SPAG16: variants seen among roughly 807,000 people sequenced by gnomAD.
The protein encoded by SPAG16 is sperm associated antigen 16, also known as sperm-associated antigen 16 protein.
In SPAG16, 86 loss-of-function variants were observed where a neutral mutation model predicts 80.4. The observed-to-expected ratio is 1.07, with a 90% CI of 0.90 to 1.28. The LOEUF is 1.28. SPAG16 is among the 50% of genes most tolerant of loss of function. The pLI, the probability that SPAG16 is intolerant of heterozygous loss-of-function variation, is 0.00. For synonymous variants in SPAG16, 294 were observed against 265.9 expected, an observed-to-expected ratio of 1.11 and a Z score of -1.03; for missense variants, 870 against 765.3, an observed-to-expected ratio of 1.14 and a Z score of -1.61.
In SPAG16 at chr2:214,291,009, G is replaced by C. The variant is rs546149684; in HGVS notation, c.1721-119131G>C. On this transcript the variant is annotated intron_variant, in intron 15 of 15. Transcript: ENST00000331683. ...GAAGTGTACCTCTCTCTTTAGATCTGGTAATACTTGATTTATGAATTTGGG... is the reference window on the plus strand; with the variant it reads ...GAAGTGTACCTCTCTCTTTAGATCTCGTAATACTTGATTTATGAATTTGGG... 3.9e-5 allele frequency among the ~76,000 whole-genome samples: 6 copies of C among 152,118 alleles called. No individual in the cohort carries two copies. The South Asian group carries it at 1.0e-3, about 26-fold the overall frequency.
intron 10 of SPAG16, among the ~76,000 whole-genome samples, chr2:213,848,787 C>G (rs1444512866): frequency 6.6e-6 from 1 of 152,160 alleles, no homozygotes; most frequent in East Asian, 1.9e-4. Flanking sequence ...GCCAGCATCT[C>G]AAATTACATA....
intron 10 of SPAG16, among the ~76,000 whole-genome samples, chr2:213,617,858 A>T (rs1216914909): frequency 6.6e-6 from 1 of 152,106 alleles, no homozygotes; most frequent in Non-Finnish European, 1.5e-5. Flanking sequence ...AACCCTATTG[A>T]CATCAAGTAG....
At chr2:214,059,216 G>A (rs375677453) in intron 13 of SPAG16, among the ~76,000 whole-genome samples, 1,691 of 66,372 alleles carry the variant, frequency 0.025, 45 homozygotes, top group African/African-American at 0.081. Flanking sequence ...ATATATATAT[G>A]TATGTGTATA....
intron 11 of SPAG16, among the ~76,000 whole-genome samples, chr2:213,927,821 A>T (rs1020715856): frequency 2.0e-5 from 3 of 152,334 alleles, no homozygotes; most frequent in Non-Finnish European, 4.4e-5. Flanking sequence ...TCCTATGCTA[A>T]GATTTTGGTC....
chr2:213,728,483 A>G (rs1010995079), intron 10 of SPAG16, among the ~76,000 whole-genome samples: 2 of 152,146 alleles, frequency 1.3e-5, no homozygotes, highest in Admixed American at 6.5e-5. Flanking sequence ...GTTCAGGAGG[A>G]AAAGGAAATG....
At chr2:213,344,830 C>T (rs138230515) in intron 6 of SPAG16, among the ~76,000 whole-genome samples, 3,625 of 152,242 alleles carry the variant, frequency 0.024, 62 homozygotes, top group African/African-American at 0.039. Flanking sequence ...AATAGTGCCG[C>T]AATAAACATA....
At chr2:214,042,266 G>A (rs1391397177) in intron 13 of SPAG16, among the ~76,000 whole-genome samples, 1 of 151,344 alleles carries the variant, frequency 6.6e-6, no homozygotes, top group African/African-American at 2.4e-5. Flanking sequence ...GCTAATTTCA[G>A]CTGGAAGTTT....
At chr2:213,566,681 C>G (rs1384877221) in intron 10 of SPAG16, among the ~76,000 whole-genome samples, 1 of 152,150 alleles carries the variant, frequency 6.6e-6, no homozygotes, top group Non-Finnish European at 1.5e-5. Flanking sequence ...ATTTTTGCAA[C>G]ATCTGCATAA....
intron 10 of SPAG16, among the ~76,000 whole-genome samples, chr2:213,686,272 C>G (rs917553795): frequency 6.6e-6 from 1 of 152,162 alleles, no homozygotes; most frequent in Non-Finnish European, 1.5e-5. Context: ...GTGCACACCA[C>G]CATGCCCAGC....
chr2:213,299,203 A>G (rs2062623839), intron 3 of SPAG16, among the ~76,000 whole-genome samples: 1 of 152,228 alleles, frequency 6.6e-6, no homozygotes, highest in East Asian at 1.9e-4. Flanking sequence ...AGTTAAGTTG[A>G]AATAATGTAA....
intron 10 of SPAG16, among the ~76,000 whole-genome samples, chr2:213,555,800 GA>G (rs2059405794): frequency 1.3e-5 from 2 of 152,052 alleles, no homozygotes; most frequent in African/African-American, 4.8e-5. Context: ...ATCAAATTCA[GA>G]ATACTCTAAT....
chr2:214,148,507 T>A (rs2055776783), intron 14 of SPAG16, among the ~76,000 whole-genome samples: 1 of 152,178 alleles, frequency 6.6e-6, no homozygotes, highest in African/African-American at 2.4e-5. Flanking sequence ...AACTATGTTT[T>A]CTGAGAATTT....
chr2:214,352,017 C>T (rs1698446943), intron 15 of SPAG16, among the ~76,000 whole-genome samples: 1 of 152,086 alleles, frequency 6.6e-6, no homozygotes, highest in Non-Finnish European at 1.5e-5. Flanking sequence ...GGGCACATTT[C>T]CTAATTCATA....
In SPAG16 at chr2:213,321,157, A is replaced by G. The variant is rs541784930; in HGVS notation, c.536+3801A>G. 2.0e-4 allele frequency among the ~76,000 whole-genome samples: 31 copies of G among 152,184 alleles called. No homozygotes were observed. The South Asian group carries it at 5.0e-3, about 24-fold the overall frequency. On this transcript the variant is annotated intron_variant, in intron 5 of 15. Coordinates refer to ENST00000331683, the MANE Select transcript of SPAG16 (RefSeq NM_024532.5). ...TACTTTTCTAATAATAATTTTTAATACACAAAAAAGTCAGGTTGCAGATAT... is the reference window on the plus strand; with the variant it reads ...TACTTTTCTAATAATAATTTTTAATGCACAAAAAAGTCAGGTTGCAGATAT...
At chr2:214,199,513 A>G (rs2057948992) in intron 15 of SPAG16, among the ~76,000 whole-genome samples, 1 of 141,312 alleles carries the variant, frequency 7.1e-6, no homozygotes, top group African/African-American at 2.4e-5. Context: ...GCCTTGTAGT[A>G]TAATTTGAAG....
chr2:214,169,535 C>T (rs1005988002), intron 15 of SPAG16, among the ~76,000 whole-genome samples: 1 of 151,910 alleles, frequency 6.6e-6, no homozygotes, highest in African/African-American at 2.4e-5. Flanking sequence ...GAGATTAGCC[C>T]CATTGATATT....
chr2:214,268,094 AAG>A (rs1197356436), intron 15 of SPAG16, among the ~76,000 whole-genome samples: 1 of 151,864 alleles, frequency 6.6e-6, no homozygotes, highest in Non-Finnish European at 1.5e-5. Flanking sequence ...CTCTAATTAT[AAG>A]AGAAATGTAA....
At chr2:213,974,507 G>A (rs2045254699) in intron 12 of SPAG16, among the ~76,000 whole-genome samples, 1 of 151,858 alleles carries the variant, frequency 6.6e-6, no homozygotes, top group Admixed American at 6.6e-5. Flanking sequence ...TAGCTTCAGA[G>A]TATGTTTCAA....
At chr2:214,258,186 C>A (rs1690835076) in intron 15 of SPAG16, among the ~76,000 whole-genome samples, 1 of 151,304 alleles carries the variant, frequency 6.6e-6, no homozygotes, top group African/African-American at 2.4e-5. Flanking sequence ...TTTGATGCAC[C>A]CATCACTGGA....
Sources: gnomAD v4.1 joint callset for allele counts (sites outside exome capture counted in the v4.1 genomes callset) on GRCh38, gnomAD v4.1.1 for gene constraint, MANE v1.5 for transcripts, NCBI Gene and HGNC (gene_info 2026-07-23, HGNC 2026-07-21) for gene names.